The following SLC25A26 variants were observed in gnomAD, a reference collection of about 807,000 sequenced individuals.
SLC25A26 encodes mitochondrial S-adenosylmethionine carrier protein.
Under a neutral mutation model 37.8 loss-of-function variants are expected in SLC25A26, and 36 were observed. The ratio of observed to expected loss-of-function variants is 0.95; its 90% CI spans 0.73 to 1.26. The LOEUF (loss-of-function observed/expected upper bound fraction) is 1.26, where lower values mean the gene tolerates loss of function less well. SLC25A26 is among the 50% of genes most tolerant of loss of function. The pLI is 0.00. For synonymous variants in SLC25A26, 129 were observed against 122.5 expected, an observed-to-expected ratio of 1.05 and a Z score of -0.35; for missense variants, 390 against 331.1, an observed-to-expected ratio of 1.18 and a Z score of -1.38.
intron 1 of SLC25A26, among the ~76,000 whole-genome samples, chr3:66,168,199 A>G (rs1359677259): frequency 8.0e-6 from 1 of 124,428 alleles, no homozygotes; most frequent in African/African-American, 3.2e-5. Context: ...ATATATATAT[A>G]TACACACACA....
intron 5 of SLC25A26, among the ~76,000 whole-genome samples, chr3:66,277,799 A>T (rs1039618986): frequency 6.6e-6 from 1 of 152,128 alleles, no homozygotes; most frequent in Non-Finnish European, 1.5e-5. Flanking sequence ...TACATCTCTA[A>T]TATAATGCAC....
At chr3:66,222,703 C>A (rs961803291) in intron 1 of SLC25A26, among the ~76,000 whole-genome samples, 1 of 152,172 alleles carries the variant, frequency 6.6e-6, no homozygotes, top group Non-Finnish European at 1.5e-5. Context: ...AGATCCATTT[C>A]GTCTGTGTAA....
chr3:66,199,666 C>T (rs1198224801), intron 1 of SLC25A26, among the ~76,000 whole-genome samples: 5 of 152,002 alleles, frequency 3.3e-5, no homozygotes, highest in African/African-American at 9.7e-5. Context: ...GACACTAAAC[C>T]CTTCACTGGC....
chr3:66,163,606 C>A (rs1243439771), intron 1 of SLC25A26, among the ~76,000 whole-genome samples: 1 of 152,124 alleles, frequency 6.6e-6, no homozygotes, highest in Non-Finnish European at 1.5e-5. Flanking sequence ...CAATTAGGAC[C>A]AGAAGAGATG....
rs756778255 is a variant in SLC25A26, at chr3:66,377,764, G to A, written c.782G>A (p.Arg261Gln). Reference sequence around the variant, plus strand: ...TTCATCTTTCTGGGGGCTTATGACCGAACGCACAGCTTGCTGTTGGAAGTT... The same window carrying A: ...TTCATCTTTCTGGGGGCTTATGACCAAACGCACAGCTTGCTGTTGGAAGTT... ...GGFIFLGAYD[R>Q]THSLLLEVGR... Residue 261 changes from arginine (R) to glutamine (Q), a missense_variant, in exon 10 of 10, where the codon CGA becomes CAA. Physicochemically the swap from Arg to Gln is conservative, Grantham distance 43. Transcript: ENST00000354883. 2.4e-5 allele frequency: 38 copies of A among 1,613,712 alleles called. No homozygotes were observed. Among genetic ancestry groups the A allele is most frequent in the African/African-American group, 4.0e-5 (3 of 74,864 alleles).
chr3:66,355,105 A>C (rs1434667426), intron 6 of SLC25A26, among the ~76,000 whole-genome samples: 1 of 152,170 alleles, frequency 6.6e-6, no homozygotes, highest in East Asian at 1.9e-4. Flanking sequence ...AATCTAGCCC[A>C]GTCAGTTCCA....
At chr3:66,355,000 A>T (rs766187160) in intron 6 of SLC25A26, among the ~76,000 whole-genome samples, 3 of 152,138 alleles carry the variant, frequency 2.0e-5, no homozygotes, top group Non-Finnish European at 2.9e-5. Context: ...TGTCTTCATC[A>T]GCGATGTGAA....
intron 5 of SLC25A26, among the ~76,000 whole-genome samples, chr3:66,308,405 C>A (rs931086273): frequency 2.6e-5 from 4 of 152,012 alleles, no homozygotes; most frequent in African/African-American, 9.7e-5. Flanking sequence ...TTTGGGGCTG[C>A]GATGATGGAG....
chr3:66,228,125 A>T (rs559251496), intron 1 of SLC25A26, among the ~76,000 whole-genome samples: 1 of 152,350 alleles, frequency 6.6e-6, no homozygotes, highest in South Asian at 2.1e-4. Flanking sequence ...GCAAGAAATT[A>T]TCTAAACACA....
chr3:66,242,156 A>G lies in SLC25A26; in HGVS notation c.191-1047A>G, dbSNP rs565619794. On this transcript the variant is annotated intron_variant, in intron 2 of 9. Transcript: ENST00000354883. ...TGAAGTTGAGGTGGTTAACCATGAA[A>G]TGGAGGAAGTTTTACCACTGTCTCT... is the stretch of plus-strand genomic sequence containing the variant. Among the ~76,000 whole-genome samples, 3 of 152,314 alleles carry G rather than the reference A, an allele frequency of 2.0e-5. No individual in the cohort carries two copies. The East Asian group carries it at 5.8e-4, about 29-fold the overall frequency.
chr3:66,197,404 A>G (rs1312860796), intron 1 of SLC25A26, among the ~76,000 whole-genome samples: 2 of 152,154 alleles, frequency 1.3e-5, no homozygotes, highest in Non-Finnish European at 2.9e-5. Flanking sequence ...ATCAGCATCA[A>G]GTGGAGTGTT....
chr3:66,292,414 A>G (rs1349116490), intron 5 of SLC25A26, among the ~76,000 whole-genome samples: 2 of 152,078 alleles, frequency 1.3e-5, no homozygotes, highest in Non-Finnish European at 2.9e-5. Context: ...ACAATTTGGT[A>G]TGTTTTTGCA....
Position 66,268,208 on chromosome 3 carries a change from C to T in SLC25A26, c.453+4829C>T, listed in dbSNP as rs78286297. Among the ~76,000 whole-genome samples the T allele has an allele frequency of 4.4e-3, 671 of 152,316 alleles. 3 individuals carry two copies. The highest frequency in any genetic ancestry group is 7.0e-3 in the Non-Finnish European group (477 of 68,032). ...GTTGGTGGACATTACAGACATGCTG[C>T]AGTGAGTGATGCTGTTCCTGTGTTA... is the stretch of plus-strand genomic sequence containing the variant. On this transcript the variant is annotated intron_variant, in intron 5 of 9. Coordinates refer to ENST00000354883, the MANE Select transcript of SLC25A26 (RefSeq NM_001379210.1).
intron 5 of SLC25A26, among the ~76,000 whole-genome samples, chr3:66,314,847 C>G (rs917970975): frequency 1.3e-5 from 2 of 150,610 alleles, no homozygotes; most frequent in Non-Finnish European, 3.0e-5. Flanking sequence ...TTGGTTCATT[C>G]TTGGGAGGGT....
chr3:66,290,156 AT>A (rs1394887344), intron 5 of SLC25A26, among the ~76,000 whole-genome samples: 2 of 152,152 alleles, frequency 1.3e-5, no homozygotes, highest in African/African-American at 4.8e-5. Flanking sequence ...ATTTTTGCAC[AT>A]TGGTTTTGTA....
intron 1 of SLC25A26, among the ~76,000 whole-genome samples, chr3:66,235,456 A>T (rs999690710): frequency 1.5e-4 from 1 of 6,744 alleles, no homozygotes; most frequent in Non-Finnish European, 3.2e-4. Context: ...TTAGGAATTT[A>T]GCTCTTAAAA....
intron 1 of SLC25A26, among the ~76,000 whole-genome samples, chr3:66,214,812 T>C (rs1171526416): frequency 3.3e-5 from 5 of 152,208 alleles, no homozygotes; most frequent in Admixed American, 6.5e-5. Context: ...TAGAAGATGT[T>C]TCTTTATCTC....
intron 6 of SLC25A26, among the ~76,000 whole-genome samples, chr3:66,350,215 C>A (rs2076417411): frequency 1.3e-5 from 2 of 152,080 alleles, no homozygotes; most frequent in Non-Finnish European, 2.9e-5. Flanking sequence ...GATTGCATCA[C>A]ATGGCACTGC....
At chr3:66,225,416 G>C (rs912835491) in intron 1 of SLC25A26, among the ~76,000 whole-genome samples, 2 of 152,298 alleles carry the variant, frequency 1.3e-5, no homozygotes, top group Non-Finnish European at 2.9e-5. Context: ...AGCCACGGCT[G>C]TAATGGCTGG....
Sources: allele counts gnomAD v4.1 joint callset (sites outside exome capture counted in the v4.1 genomes callset), GRCh38; gene constraint gnomAD v4.1.1; transcripts MANE v1.5; gene names NCBI Gene and HGNC (gene_info 2026-07-23, HGNC 2026-07-21).